The following DYSF variants were observed in gnomAD, a reference collection of about 807,000 sequenced individuals.
The protein encoded by DYSF is dystrophy-associated fer-1-like 1.
In DYSF, 212 loss-of-function variants were observed where a neutral mutation model predicts 274.9. That is an observed-to-expected ratio of 0.77 (90% CI 0.69 to 0.86). The LOEUF (loss-of-function observed/expected upper bound fraction) is 0.86, where lower values mean the gene tolerates loss of function less well. Among genes scored for constraint, DYSF ranks in the 40% least tolerant of loss-of-function variants. The pLI, the probability that DYSF is intolerant of heterozygous loss-of-function variation, is 0.00. For synonymous variants in DYSF, 1,091 were observed against 1,078.7 expected (o/e 1.01, Z -0.22); for missense variants, 2,666 against 2,783.2 (o/e 0.96, Z 0.95).
intron 30 of DYSF, among the ~76,000 whole-genome samples, chr2:71,589,111 T>C (rs985451131): frequency 1.1e-4 from 17 of 151,910 alleles, no homozygotes; most frequent in African/African-American, 3.6e-4. Flanking sequence ...CTCAGCAGAG[T>C]GGGAACTGGT....
At chr2:71,457,031 G>A (rs1254172016) in intron 1 of DYSF, among the ~76,000 whole-genome samples, 2 of 152,164 alleles carry the variant, frequency 1.3e-5, no homozygotes, top group Admixed American at 1.3e-4. Flanking sequence ...TCAAATGCGT[G>A]TTCCTCACAA....
chr2:71,665,085 C>T, intron 46 of DYSF, 77 bp from the exon 47 acceptor site: 2 of 1,604,128 alleles, frequency 1.2e-6, no homozygotes, highest in Admixed American at 1.7e-5. Context: ...CATGGGGGTA[C>T]ACCAGTCCCT....
chr2:71,477,368 C>T (rs1194959555), intron 1 of DYSF, among the ~76,000 whole-genome samples: 1 of 152,080 alleles, frequency 6.6e-6, no homozygotes, highest in Non-Finnish European at 1.5e-5. Flanking sequence ...CAGGCTTTAG[C>T]ATGGTCATGA....
In DYSF at chr2:71,502,672, C is replaced by T. The variant is rs1036791455; in HGVS notation, c.240-542C>T. Among the ~76,000 whole-genome samples, 4 of 152,198 alleles carry T rather than the reference C, an allele frequency of 2.6e-5. No individual in the cohort carries two copies. The South Asian group carries it at 8.3e-4, about 31-fold the overall frequency. ...GCGTGTGGTATGGACCGCCCAGGGC[C>T]TCTCAGGAGTGGAGCCTGTTTCCCC... On this transcript the variant is annotated intron_variant, in intron 3 of 55. Coordinates refer to ENST00000410020, the MANE Select transcript of DYSF (RefSeq NM_001130987.2).
intron 41 of DYSF, among the ~76,000 whole-genome samples, chr2:71,638,953 T>C (rs1186652584): frequency 6.6e-6 from 1 of 152,244 alleles, no homozygotes; most frequent in African/African-American, 2.4e-5. Context: ...TCACCAGCAG[T>C]GTACAAGGGT....
In DYSF at chr2:71,570,496, G is replaced by A. The variant is rs558147848; in HGVS notation, c.3086-103G>A. The A allele has an allele frequency of 3.1e-5, 48 of 1,527,864 alleles. 1 individual carries two copies. The South Asian group carries it at 4.3e-4, about 14-fold the overall frequency. 94.6% of individuals were successfully genotyped at this position (1,527,864 alleles called of 1,614,324 possible). On this transcript the variant is annotated intron_variant, in intron 28 of 55. Transcript: ENST00000410020. ...AGCTGCAAATTAGGACCGAGAGTCA[G>A]TGGCCGCTCAAGAGTCTGTGACCAT...
chr2:71,545,816 C>T (rs112119923), intron 17 of DYSF, among the ~76,000 whole-genome samples: 2,093 of 152,232 alleles, frequency 0.014, 53 homozygotes, highest in African/African-American at 0.048. Flanking sequence ...TCACCTTTCT[C>T]TGTGTCCGCA....
intron 43 of DYSF, among the ~76,000 whole-genome samples, chr2:71,657,450 C>T (rs1484012981): frequency 6.6e-6 from 1 of 152,182 alleles, no homozygotes; most frequent in African/African-American, 2.4e-5. Flanking sequence ...GAAGGTGGCC[C>T]TCTTCTCACA....
intron 42 of DYSF, 67 bp from the exon 43 acceptor site, chr2:71,656,095 T>G (rs921264759): frequency 5.3e-5 from 84 of 1,593,584 alleles, no homozygotes; most frequent in Non-Finnish European, 6.9e-5. Flanking sequence ...TCTTGTTTCC[T>G]TTCCTTTGCT....
intron 32 of DYSF, 83 bp downstream of exon 32, chr2:71,590,371 G>A: frequency 6.7e-7 from 1 of 1,497,500 alleles, no homozygotes; most frequent in East Asian, 2.3e-5. Context: ...GCAACAAGGG[G>A]TGCTGTTTGC....
intron 17 of DYSF, among the ~76,000 whole-genome samples, chr2:71,542,681 G>A (rs112190808): frequency 0.029 from 4,337 of 152,040 alleles, 198 homozygotes; most frequent in African/African-American, 0.095. Flanking sequence ...AGAGAGCACC[G>A]GGTTGGGGGT....
rs547256815 is a variant in DYSF, at chr2:71,531,678, C to T, written c.1380+3277C>T. 4.6e-5 allele frequency among the ~76,000 whole-genome samples: 7 copies of T among 151,976 alleles called. No homozygotes were observed. In the South Asian group the frequency reaches 8.3e-4, roughly 18 times the overall value. ...TTCACATTTTTGTGCCTTTTCTTGGCGACTTCGCTGTTTAAAATGGCCCCA... is the reference window on the plus strand; with the variant it reads ...TTCACATTTTTGTGCCTTTTCTTGGTGACTTCGCTGTTTAAAATGGCCCCA... On this transcript the variant is annotated intron_variant, in intron 14 of 55. Coordinates refer to ENST00000410020, the MANE Select transcript of DYSF (RefSeq NM_001130987.2).
chr2:71,642,967 C>T (rs2094509330), intron 41 of DYSF, among the ~76,000 whole-genome samples: 1 of 152,152 alleles, frequency 6.6e-6, no homozygotes. Flanking sequence ...AAGCGAGTTC[C>T]AGAATGAGCT....
At chr2:71,676,249 A>T (rs1016528429) in intron 52 of DYSF, among the ~76,000 whole-genome samples, 1 of 152,062 alleles carries the variant, frequency 6.6e-6, no homozygotes, top group Non-Finnish European at 1.5e-5. Flanking sequence ...GAAAGGTTTT[A>T]CTTGTTTATA....
intron 15 of DYSF, 50 bp from the exon 16 acceptor site, chr2:71,535,218 T>C: frequency 6.2e-7 from 1 of 1,606,218 alleles, no homozygotes; most frequent in African/African-American, 1.3e-5. Flanking sequence ...GAGGGGCTGT[T>C]CTATCTTCAA....
At chr2:71,544,665 G>A (rs2090323643) in intron 17 of DYSF, among the ~76,000 whole-genome samples, 1 of 151,754 alleles carries the variant, frequency 6.6e-6, no homozygotes, top group South Asian at 2.1e-4. Context: ...TTCACCATGT[G>A]GGCCAGGCTG....
At chr2:71,578,778 C>T (rs899321614) in intron 30 of DYSF, among the ~76,000 whole-genome samples, 10 of 152,128 alleles carry the variant, frequency 6.6e-5, no homozygotes, top group Non-Finnish European at 1.2e-4. Flanking sequence ...CCTTGCCTGC[C>T]AGCTCCCCTC....
intron 22 of DYSF, among the ~76,000 whole-genome samples, chr2:71,560,428 G>A (rs1424009784): frequency 1.3e-5 from 2 of 151,196 alleles, no homozygotes; most frequent in African/African-American, 2.4e-5. Flanking sequence ...CCCCCGCCCC[G>A]CTACCCACCG....
intron 17 of DYSF, among the ~76,000 whole-genome samples, chr2:71,541,457 C>T (rs1476170604): frequency 6.6e-6 from 1 of 151,798 alleles, no homozygotes; most frequent in African/African-American, 2.4e-5. Flanking sequence ...TTGAATAATT[C>T]TCTCTACCTG....
Sources: allele counts gnomAD v4.1 joint callset (sites outside exome capture counted in the v4.1 genomes callset), GRCh38; gene constraint gnomAD v4.1.1; transcripts MANE v1.5; gene names NCBI Gene and HGNC (gene_info 2026-07-23, HGNC 2026-07-21).